The following TRPS1 variants were observed in gnomAD, a reference collection of about 807,000 sequenced individuals.
TRPS1 encodes the protein zinc finger transcription factor Trps1.
A neutral mutation model predicts 101.2 loss-of-function variants in TRPS1; 6 were observed. The observed-to-expected ratio is 0.06, with a 90% CI of 0.03 to 0.12. The LOEUF (loss-of-function observed/expected upper bound fraction) is 0.12. TRPS1 is among the 10% of genes least tolerant of loss of function. TRPS1 has a pLI of 1.00. For missense variants in TRPS1, 1,363 were observed against 1,567.0 expected (o/e 0.87, Z 2.20); for synonymous variants, 578 against 589.8 (o/e 0.98, Z 0.29).
chr8:115,414,568 G>T lies in TRPS1; in HGVS notation c.3340C>A (p.His1114Asn), dbSNP rs1183694482. ...TCAGCTTCACTCTGGAAGTCATTAT[G>T]TACAAAGGGAAGTCCAAAAAGTGGG... ...QYPLFGLPFV[H>N]NDFQSEADWL... Residue 1114 changes from histidine (H) to asparagine (N), a missense_variant, in exon 7 of 7, where the codon CAT (histidine) becomes AAT (asparagine). Coordinates refer to ENST00000395715, the MANE Select transcript of TRPS1 (RefSeq NM_014112.5). The surrounding 1 kb of genome is among the most constrained non-coding windows in gnomAD (Gnocchi z 4.8). 2.5e-6 allele frequency: 4 copies of T among 1,613,832 alleles called. No homozygotes were observed. Among genetic ancestry groups the T allele is most frequent in the Admixed American group, 1.7e-5 (1 of 59,914 alleles).
chr8:115,419,999 A>AT (rs1813013423), intron 5 of TRPS1, among the ~76,000 whole-genome samples: 1 of 152,222 alleles, frequency 6.6e-6, no homozygotes, highest in Admixed American at 6.5e-5. Flanking sequence ...ACTTAACAAG[A>AT]TTGGGGGAAT....
chr8:115,514,283 G>GT (rs1214739253), intron 5 of TRPS1, among the ~76,000 whole-genome samples: 4 of 151,668 alleles, frequency 2.6e-5, no homozygotes, highest in African/African-American at 9.7e-5. Context: ...CCCAAATCTA[G>GT]TTTTAGGTGG....
At chr8:115,472,363 C>G (rs1814493261) in intron 5 of TRPS1, among the ~76,000 whole-genome samples, 1 of 152,120 alleles carries the variant, frequency 6.6e-6, no homozygotes, top group Non-Finnish European at 1.5e-5. Context: ...CCCTTTAAGC[C>G]ACAGCTGAAA....
Position 115,409,261 on chromosome 8 carries a change from G to GAAAAAAAAAAAAAA in TRPS1, c.*4748_*4761dup, listed in dbSNP as rs755990611. On this transcript the variant is annotated 3_prime_UTR_variant, in exon 7 of 7. Coordinates refer to ENST00000395715, the MANE Select transcript of TRPS1 (RefSeq NM_014112.5). ...TGATATGCTGCAGTTTATATGTTGG[G>GAAAAAAAAAAAAAA]AAAAAAAAAAAAAAAAAAAACAGGG... 2.0e-5 allele frequency: 2 copies of GAAAAAAAAAAAAAA among 102,262 alleles called. No homozygotes were observed. Among genetic ancestry groups the GAAAAAAAAAAAAAA allele is most frequent in the African/African-American group, 8.1e-5 (2 of 24,726 alleles). 6.3% of individuals were successfully genotyped at this position (102,262 alleles called of 1,614,324 possible).
rs188294946 is a variant in TRPS1, at chr8:115,581,968, T to C, written c.2700+5033A>G. Among the ~76,000 whole-genome samples the C allele has an allele frequency of 1.1e-3, 173 of 152,322 alleles. 1 individual carries two copies. Among genetic ancestry groups the C allele is most frequent in the African/African-American group, 4.0e-3 (168 of 41,580 alleles). On this transcript the variant is annotated intron_variant, in intron 5 of 6. Coordinates refer to ENST00000395715, the MANE Select transcript of TRPS1 (RefSeq NM_014112.5). ...AATAGTTTTTAATCATTTATTTTAC[T>C]CTCAGGCAAAGAAAATATCAACTGC... is the stretch of plus-strand genomic sequence containing the variant.
Position 115,605,010 on chromosome 8 carries a change from A to G in TRPS1, c.967-8T>C. 1 of 1,612,272 alleles carries G rather than the reference A, an allele frequency of 6.2e-7. No homozygotes were observed. Among genetic ancestry groups the G allele is most frequent in the Non-Finnish European group, 8.5e-7 (1 of 1,179,834 alleles). ...TGTTCCACCTGAAGTCACCTGGAGA[A>G]CAGAAGAAATGGACTTTACTTCCAA... On this transcript the variant is annotated splice_polypyrimidine_tract_variant and splice_region_variant and intron_variant, in intron 3 of 6. Coordinates refer to ENST00000395715, the MANE Select transcript of TRPS1 (RefSeq NM_014112.5).
chr8:115,460,223 C>A (rs563701795), intron 5 of TRPS1, among the ~76,000 whole-genome samples: 2 of 152,120 alleles, frequency 1.3e-5, no homozygotes, highest in East Asian at 3.9e-4. Flanking sequence ...ATCACCTGCT[C>A]AGTAAAATTT....
At chr8:115,630,745 T>C (rs1355467926) in intron 1 of TRPS1, among the ~76,000 whole-genome samples, 2 of 152,052 alleles carry the variant, frequency 1.3e-5, no homozygotes, top group South Asian at 2.1e-4. Context: ...ATTCACACTT[T>C]ACAGATAATG....
intron 5 of TRPS1, among the ~76,000 whole-genome samples, chr8:115,454,041 T>A (rs1175349684): frequency 1.3e-5 from 2 of 152,180 alleles, no homozygotes; most frequent in African/African-American, 4.8e-5. Flanking sequence ...CTGAGTTTCA[T>A]CCCCAGGTCG....
In TRPS1 at chr8:115,619,187, A is replaced by G. The variant is rs1563647874; in HGVS notation, c.911T>C (p.Leu304Pro). 1 of 1,614,222 alleles carries G rather than the reference A, an allele frequency of 6.2e-7. No homozygotes were observed. The highest frequency in any genetic ancestry group is 8.5e-7 in the Non-Finnish European group (1 of 1,180,040). ...KVNRSVFSGV[L>P]QDINSSRPVL... Reference sequence around the variant, plus strand: ...AGGCCTTGAAGAATTGATGTCCTGCAGCACACCAGAAAACACAGAACGGTT... The same window carrying G: ...AGGCCTTGAAGAATTGATGTCCTGCGGCACACCAGAAAACACAGAACGGTT... The change falls in exon 3 of 7, where the codon CTG becomes CCG. Residue 304 changes from leucine to proline, a missense_variant. Coordinates refer to ENST00000395715, the MANE Select transcript of TRPS1 (RefSeq NM_014112.5).
chr8:115,584,059 T>C (rs1817512375), intron 5 of TRPS1, among the ~76,000 whole-genome samples: 1 of 152,046 alleles, frequency 6.6e-6, no homozygotes. Context: ...GAAAGACTAA[T>C]ATGCTGAAAG....
chr8:115,512,522 A>G (rs1360877009), intron 5 of TRPS1, among the ~76,000 whole-genome samples: 2 of 151,642 alleles, frequency 1.3e-5, no homozygotes, highest in Non-Finnish European at 3.0e-5. Context: ...ATTATGCTTC[A>G]TGGTTTTTTT....
intron 3 of TRPS1, among the ~76,000 whole-genome samples, chr8:115,613,311 T>C (rs551144623): frequency 3.9e-5 from 6 of 152,320 alleles, no homozygotes; most frequent in Non-Finnish European, 8.8e-5. Flanking sequence ...TGATTTCGAA[T>C]AGAAGCTTAG....
At chr8:115,461,312 C>T (rs1282793275) in intron 5 of TRPS1, among the ~76,000 whole-genome samples, 1 of 150,958 alleles carries the variant, frequency 6.6e-6, no homozygotes, top group Non-Finnish European at 1.5e-5. Flanking sequence ...CAGATACATA[C>T]ATACATACAT....
intron 5 of TRPS1, among the ~76,000 whole-genome samples, chr8:115,450,509 G>GCT (rs1218202046): frequency 6.6e-6 from 1 of 151,518 alleles, no homozygotes; most frequent in Non-Finnish European, 1.5e-5. Context: ...TAGCTAATGC[G>GCT]CTGACTCTTT....
At chr8:115,496,006 C>T (rs763835590) in intron 5 of TRPS1, among the ~76,000 whole-genome samples, 12 of 152,062 alleles carry the variant, frequency 7.9e-5, no homozygotes, top group Admixed American at 2.0e-4. Context: ...TTTGAGTCCT[C>T]GTTCTACCAC....
At chr8:115,587,699 A>G (rs1027608380) in intron 4 of TRPS1, 95 bp from the exon 5 acceptor site, 2 of 1,585,292 alleles carry the variant, frequency 1.3e-6, no homozygotes, top group South Asian at 1.1e-5. Flanking sequence ...CTACCTACTC[A>G]TGCAATATAG....
chr8:115,455,775 CTTTTT>C (rs386413741), intron 5 of TRPS1, among the ~76,000 whole-genome samples: 1 of 119,988 alleles, frequency 8.3e-6, no homozygotes, highest in African/African-American at 3.4e-5. Context: ...TTCTTTCTTT[CTTTTT>C]TTTTTTTTTT....
intron 5 of TRPS1, among the ~76,000 whole-genome samples, chr8:115,566,553 G>A (rs1256608129): frequency 6.6e-6 from 1 of 151,608 alleles, no homozygotes; most frequent in Non-Finnish European, 1.5e-5. Context: ...TAGCCAGCTG[G>A]TATTCCTAAG....
Sources: gnomAD v4.1 joint callset for allele counts (sites outside exome capture counted in the v4.1 genomes callset) on GRCh38, gnomAD v4.1.1 for gene constraint, Gnocchi (gnomAD v3.1) non-coding constraint, MANE v1.5 for transcripts, NCBI Gene and HGNC (gene_info 2026-07-23, HGNC 2026-07-21) for gene names.